Variants in ROPN1L observed in about 807,000 individuals in gnomAD.
ROPN1L encodes ropporin-1-like protein.
ROPN1L carries 23 observed loss-of-function variants against 22.7 expected under a neutral mutation model. The ratio of observed to expected loss-of-function variants is 1.01; its 90% CI spans 0.73 to 1.43. The LOEUF (loss-of-function observed/expected upper bound fraction) is 1.43. Ranked by LOEUF, ROPN1L falls within the 40% of genes most tolerant of loss-of-function variation. The pLI is 0.00. For synonymous variants in ROPN1L, 116 were observed against 117.8 expected (o/e 0.98, Z 0.10); for missense variants, 271 against 291.5 (o/e 0.93, Z 0.51).
downstream of ROPN1L, among the ~76,000 whole-genome samples, chr5:10,474,813 C>T (rs1045287169): frequency 1.3e-5 from 2 of 152,164 alleles, no homozygotes; most frequent in Non-Finnish European, 2.9e-5. Context: ...TGAATAGGAG[C>T]GGCTGAGCTT....
chr5:10,446,233 A>G (rs1382393705), intron 1 of ROPN1L, among the ~76,000 whole-genome samples: 4 of 152,216 alleles, frequency 2.6e-5, no homozygotes, highest in Non-Finnish European at 5.9e-5. Context: ...AGGCATTTCC[A>G]GCCTCGGCCC....
At chr5:10,466,142 T>C (rs1300195403), downstream of ROPN1L, among the ~76,000 whole-genome samples, 1 of 152,224 alleles carries the variant, frequency 6.6e-6, no homozygotes, top group Non-Finnish European at 1.5e-5. Flanking sequence ...ACATTTCAGG[T>C]TAGCTTCCAG....
intron 3 of ROPN1L, among the ~76,000 whole-genome samples, chr5:10,457,346 C>G (rs1734852150): frequency 6.6e-6 from 1 of 152,234 alleles, no homozygotes; most frequent in African/African-American, 2.4e-5. Flanking sequence ...GTTCAGGGCT[C>G]CATCTCCTGC....
chr5:10,472,376 C>T (rs946672325), downstream of ROPN1L, among the ~76,000 whole-genome samples: 5 of 152,088 alleles, frequency 3.3e-5, no homozygotes, highest in Non-Finnish European at 7.4e-5. Flanking sequence ...TAGGCTGGGC[C>T]CATCACAGTG....
At chr5:10,481,900 A>G in the ROPN1L span, 1 of 152,276 alleles carries the variant, frequency 6.6e-6, no homozygotes, top group African/African-American at 2.4e-5. Flanking sequence ...TGCTTCTCCA[A>G]GGCTGTTTGC....
chr5:10,453,058 A>G lies in ROPN1L; in HGVS notation c.417+2945A>G, dbSNP rs138109177. ...TCCTGCCTGTCTCCTGACTTGAGCC[A>G]CCTTTGCCAGCAGGACTCCAGATTT... On this transcript the variant is annotated intron_variant, in intron 3 of 4. Transcript: ENST00000274134. Among the ~76,000 whole-genome samples, 739 of 152,268 alleles carry G rather than the reference A, an allele frequency of 4.9e-3. 8 individuals carry two copies. The highest frequency in any genetic ancestry group is 0.016 in the African/African-American group (674 of 41,552).
At chr5:10,471,001 G>A (rs185733952) in intron 4 of ROPN1L, among the ~76,000 whole-genome samples, 2 of 152,340 alleles carry the variant, frequency 1.3e-5, no homozygotes, top group East Asian at 3.9e-4. Flanking sequence ...GGGTGGAAAG[G>A]CAGGGACTGT....
chr5:10,473,622 A>C (rs1199293131), downstream of ROPN1L, among the ~76,000 whole-genome samples: 1 of 152,208 alleles, frequency 6.6e-6, no homozygotes, highest in East Asian at 1.9e-4. Flanking sequence ...GGAAATGAGC[A>C]CACTTATTAC....
intron 4 of ROPN1L, among the ~76,000 whole-genome samples, chr5:10,461,887 A>T (rs1735037865): frequency 6.6e-6 from 1 of 152,258 alleles, no homozygotes; most frequent in African/African-American, 2.4e-5. Context: ...GGTCTGGAGC[A>T]TGGGGGCTTT....
downstream of ROPN1L, among the ~76,000 whole-genome samples, chr5:10,465,538 CA>C (rs1735139427): frequency 6.7e-6 from 1 of 149,540 alleles, no homozygotes; most frequent in Non-Finnish European, 1.5e-5. Flanking sequence ...AACAAAAACA[CA>C]AACGAACAAA....
At chr5:10,450,463 A>T (rs192223606) in intron 3 of ROPN1L, among the ~76,000 whole-genome samples, 14 of 152,248 alleles carry the variant, frequency 9.2e-5, no homozygotes, top group African/African-American at 3.4e-4. Context: ...GCATACAATT[A>T]TTTTCTACTT....
intron 3 of ROPN1L, among the ~76,000 whole-genome samples, chr5:10,455,244 G>A (rs181465223): frequency 5.3e-5 from 8 of 152,208 alleles, no homozygotes; most frequent in Non-Finnish European, 7.3e-5. Context: ...CTGCATCCTG[G>A]CTTACTCCTC....
chr5:10,448,739 GTGTT>G (rs1431367500), intron 2 of ROPN1L, among the ~76,000 whole-genome samples: 1 of 152,252 alleles, frequency 6.6e-6, no homozygotes, highest in Non-Finnish European at 1.5e-5. Flanking sequence ...CTCCAGGTGT[GTGTT>G]TGTGAAAGCT....
At chr5:10,471,310 T>C (rs1041149133) in intron 4 of ROPN1L, among the ~76,000 whole-genome samples, 13 of 151,904 alleles carry the variant, frequency 8.6e-5, no homozygotes. Flanking sequence ...GCTAATTTTT[T>C]GTACTTTTTT....
downstream of ROPN1L, among the ~76,000 whole-genome samples, chr5:10,469,241 A>G (rs895897544): frequency 1.3e-5 from 2 of 152,008 alleles, no homozygotes; most frequent in Admixed American, 1.3e-4. Context: ...TCTGGAGGCC[A>G]AGGTGGGAGG....
At chr5:10,477,932 A>G in the ROPN1L span, 6 of 152,360 alleles carry the variant, frequency 3.9e-5, no homozygotes, top group African/African-American at 1.4e-4. Flanking sequence ...TCTGTCTAAA[A>G]AAAGAAAAAA....
chr5:10,465,085 C>T, downstream of ROPN1L: 1 of 477,424 alleles, frequency 2.1e-6, no homozygotes. Context: ...CTTCGTGGGG[C>T]CTGATTCATG....
intron 3 of ROPN1L, among the ~76,000 whole-genome samples, chr5:10,457,915 A>G (rs1425695315): frequency 6.6e-6 from 1 of 151,764 alleles, no homozygotes; most frequent in African/African-American, 2.4e-5. Flanking sequence ...GATGTCAGCC[A>G]CCTCCGTGGC....
At chr5:10,477,588 C>T in the ROPN1L span, among the ~76,000 whole-genome samples, 2 of 152,036 alleles carry the variant, frequency 1.3e-5, no homozygotes, top group African/African-American at 4.8e-5. Flanking sequence ...GCAGATGCTC[C>T]GTGAGGATGG....
Sources: gnomAD v4.1 joint callset for allele counts (sites outside exome capture counted in the v4.1 genomes callset) on GRCh38, gnomAD v4.1.1 for gene constraint, MANE v1.5 for transcripts, NCBI Gene and HGNC (gene_info 2026-07-23, HGNC 2026-07-21) for gene names.